Variants in GTPBP1 observed in about 807,000 individuals in gnomAD.
The protein encoded by GTPBP1 is GTP binding protein 1.
Under a neutral mutation model 62.0 loss-of-function variants are expected in GTPBP1, and 23 were observed. The observed-to-expected ratio is 0.37, with a 90% CI of 0.27 to 0.53. The LOEUF (loss-of-function observed/expected upper bound fraction) is 0.53. Among genes scored for constraint, GTPBP1 ranks in the 20% least tolerant of loss-of-function variants. The pLI is 0.89. For synonymous variants in GTPBP1, 344 were observed against 364.4 expected (o/e 0.94, Z 0.64); for missense variants, 640 against 917.3 (o/e 0.70, Z 3.90).
downstream of GTPBP1, chr22:38,739,368 A>T (rs750039034): frequency 6.2e-7 from 1 of 1,613,136 alleles, no homozygotes; most frequent in Non-Finnish European, 8.5e-7. This position sits in a 1 kb window ranked among gnomAD's most constrained non-coding sequence, Gnocchi z 6.7. Flanking sequence ...GTAGTCTGCC[A>T]GCCCGATGCG....
intron 4 of GTPBP1, among the ~76,000 whole-genome samples, chr22:38,717,808 G>A (rs1766963137): frequency 6.6e-6 from 1 of 152,146 alleles, no homozygotes; most frequent in Non-Finnish European, 1.5e-5. Context: ...GTAACCTTGT[G>A]CACATCTCCA....
intron 4 of GTPBP1, among the ~76,000 whole-genome samples, chr22:38,721,339 A>G (rs902041287): frequency 6.6e-6 from 1 of 152,168 alleles, no homozygotes; most frequent in Admixed American, 6.5e-5. Context: ...TGACCTCGCA[A>G]AGTGCTGGGG....
downstream of GTPBP1, chr22:38,738,810 C>A: frequency 6.2e-7 from 1 of 1,600,294 alleles, no homozygotes; most frequent in African/African-American, 1.3e-5. This position sits in a 1 kb window ranked among gnomAD's most constrained non-coding sequence, Gnocchi z 6.6. Context: ...TCTTGCTGAC[C>A]CCAGATGGGA....
chr22:38,723,146 T>G (rs2092709710), intron 5 of GTPBP1: 1 of 808,472 alleles, frequency 1.2e-6, no homozygotes. Flanking sequence ...ATGAAATTCC[T>G]TAGCTTTGTC....
In GTPBP1 at chr22:38,716,808, C is replaced by T; in HGVS notation, c.642C>T (p.Asp214=). The change falls in exon 4 of 12, where the codon GAC becomes GAT. Residue 214 remains aspartate (D), a synonymous_variant. Transcript: ENST00000216044. The surrounding 1 kb of genome is among the most constrained non-coding windows in gnomAD (Gnocchi z 5.2). ...ESGRTSSVGN[D]ILGFDSEGNV... is the part of the protein sequence containing the mutation. ...GTCGCACCAGCAGTGTGGGCAACGACATTCTGGGCTTTGACAGTGAAGGCA... is the reference window on the plus strand; with the variant it reads ...GTCGCACCAGCAGTGTGGGCAACGATATTCTGGGCTTTGACAGTGAAGGCA... 6.2e-7 allele frequency: 1 copy of T among 1,614,230 alleles called. No individual in the cohort carries two copies. Among genetic ancestry groups the T allele is most frequent in the Non-Finnish European group, 8.5e-7 (1 of 1,180,040 alleles).
At chr22:38,721,661 A>G in intron 4 of GTPBP1, 81 bp from the exon 5 acceptor site, 1 of 1,392,274 alleles carries the variant, frequency 7.2e-7, no homozygotes, top group Admixed American at 1.8e-5. Flanking sequence ...TTTCATCCAC[A>G]TCTGCTTTTG....
intron 2 of GTPBP1, among the ~76,000 whole-genome samples, chr22:38,709,591 G>A (rs1054195864): frequency 6.6e-6 from 1 of 152,186 alleles, no homozygotes; most frequent in Non-Finnish European, 1.5e-5. Context: ...CTAGAATTAA[G>A]CTTATTCCTG....
intron 2 of GTPBP1, 67 bp from the exon 3 acceptor site, chr22:38,715,840 C>G: frequency 7.2e-7 from 1 of 1,379,330 alleles, no homozygotes; most frequent in Non-Finnish European, 1.0e-6. Flanking sequence ...GGGTTCCTGG[C>G]TGGCTGGTTG....
At chr22:38,719,969 C>T (rs1323192727) in intron 4 of GTPBP1, among the ~76,000 whole-genome samples, 2 of 148,840 alleles carry the variant, frequency 1.3e-5, no homozygotes, top group South Asian at 2.1e-4. Context: ...CGCTCTGTCG[C>T]CCAGGCTGGA....
chr22:38,712,204 A>G (rs1241532328), intron 2 of GTPBP1, among the ~76,000 whole-genome samples: 1 of 152,192 alleles, frequency 6.6e-6, no homozygotes, highest in Non-Finnish European at 1.5e-5. Flanking sequence ...TGGAAGAGTC[A>G]GGAAAGGCTG....
At chr22:38,717,272 C>T (rs1407290445) in intron 4 of GTPBP1, among the ~76,000 whole-genome samples, 2 of 152,154 alleles carry the variant, frequency 1.3e-5, no homozygotes, top group Non-Finnish European at 2.9e-5. Flanking sequence ...TTTGCAGAGG[C>T]ATAGAGGAGG....
downstream of GTPBP1, chr22:38,740,147 A>G (rs893102329): frequency 7.4e-7 from 1 of 1,348,004 alleles, no homozygotes; most frequent in Non-Finnish European, 9.8e-7. The surrounding 1 kb of genome is among the most constrained non-coding windows in gnomAD (Gnocchi z 4.8). Flanking sequence ...GGCCAACGCC[A>G]CAGTCTCTTG....
chr22:38,722,859 G>T, intron 5 of GTPBP1: 1 of 1,486,588 alleles, frequency 6.7e-7, no homozygotes, highest in Admixed American at 1.7e-5. Flanking sequence ...ATACTGGAAC[G>T]CCTTCACCAA....
rs767102863 is a variant in GTPBP1, at chr22:38,729,558, G to A, written c.1813G>A (p.Gly605Arg). 11 of 1,604,418 alleles carry A rather than the reference G, an allele frequency of 6.9e-6. No individual in the cohort carries two copies. The highest frequency in any genetic ancestry group is 9.4e-6 in the Non-Finnish European group (11 of 1,175,556). ...KKGPLTKRDE[G>R]GPSGGPAVGA... ...GGGCCCCCTGACGAAACGAGACGAG[G>A]GGGGCCCGTCTGGTGGGCCAGCAGT... Residue 605 changes from glycine (G) to arginine (R), a missense_variant, in exon 11 of 12, where the codon GGG becomes AGG. Physicochemically the swap from Gly to Arg is moderately radical, Grantham distance 125. This residue lies in a region of GTPBP1 where 117 missense variants were observed against 107.1 expected (regional missense o/e 1.09). Transcript: ENST00000216044.
downstream of GTPBP1, chr22:38,739,210 G>A: frequency 9.3e-7 from 1 of 1,074,816 alleles, no homozygotes; most frequent in Non-Finnish European, 1.4e-6. The surrounding 1 kb of genome is among the most constrained non-coding windows in gnomAD (Gnocchi z 6.7). Flanking sequence ...CTTTGTCATG[G>A]GTACTAGGTT....
At chr22:38,738,525 G>C, downstream of GTPBP1, 1 of 1,575,724 alleles carries the variant, frequency 6.3e-7, no homozygotes, top group Non-Finnish European at 8.7e-7. This position sits in a 1 kb window ranked among gnomAD's most constrained non-coding sequence, Gnocchi z 6.6. Flanking sequence ...TTGATCCTCA[G>C]TAGAGAGGCC....
rs1603190931 is a variant in GTPBP1 at position 38,722,843 on chromosome 22, T to C, written c.958+978T>C. On this transcript the variant is annotated intron_variant, in intron 5 of 11. Coordinates refer to ENST00000216044, the MANE Select transcript of GTPBP1 (RefSeq NM_004286.5). ...TTGCTGGGCAGACTTCTCCATGGGT[T>C]TCTACATACTGGAACGCCTTCACCA... The C allele has an allele frequency of 5.2e-6, 8 of 1,541,900 alleles. No individual in the cohort carries two copies. The East Asian group carries it at 1.8e-4, about 35-fold the overall frequency.
In GTPBP1 at chr22:38,730,695, C is replaced by T. The variant is rs1486334691; in HGVS notation, c.2001C>T (p.Ser667=). The stretch of plus-strand genomic sequence containing the variant: ...AGGGGGCCTGTGTGACTCCTGCCAG[C>T]GGCTGCTGAACCTTCCCCTGGCCCA... ...KSQGACVTPA[S]GC is the part of the protein sequence containing the mutation. The change falls in exon 12 of 12, where the codon AGC becomes AGT. Residue 667 remains serine, a synonymous_variant. Coordinates refer to ENST00000216044, the MANE Select transcript of GTPBP1 (RefSeq NM_004286.5). The surrounding 1 kb of genome is among the most constrained non-coding windows in gnomAD (Gnocchi z 5.6). 3 of 1,585,674 alleles carry T rather than the reference C, an allele frequency of 1.9e-6. No homozygotes were observed. Among genetic ancestry groups the T allele is most frequent in the South Asian group, 1.1e-5 (1 of 89,548 alleles).
chr22:38,736,345 C>A (rs772316195), downstream of GTPBP1: 1 of 1,613,880 alleles, frequency 6.2e-7, no homozygotes, highest in East Asian at 2.2e-5. Context: ...TCAGGATCCG[C>A]AGCTCCACCA....
Sources: allele counts gnomAD v4.1 joint callset (sites outside exome capture counted in the v4.1 genomes callset), GRCh38; gene constraint gnomAD v4.1.1; regional missense constraint gnomAD v4.1.1; non-coding constraint Gnocchi (gnomAD v3.1); transcripts MANE v1.5; gene names NCBI Gene and HGNC (gene_info 2026-07-23, HGNC 2026-07-21).